Variants in RBM6 observed in about 807,000 individuals in gnomAD.
The protein encoded by RBM6 is RNA binding motif protein 6.
A neutral mutation model predicts 140.4 loss-of-function variants in RBM6; 23 were observed. The ratio of observed to expected loss-of-function variants is 0.16; its 90% CI spans 0.12 to 0.23. RBM6 has a LOEUF of 0.23. Ranked by LOEUF, RBM6 falls within the 10% of genes least tolerant of loss-of-function variation. The probability of loss-of-function intolerance (pLI) is 1.00; values close to 1 mark genes in which losing one functional copy is unlikely to be tolerated. For synonymous variants in RBM6, 439 were observed against 475.6 expected, an observed-to-expected ratio of 0.92 and a Z score of 1.00; for missense variants, 1,139 against 1,386.7, an observed-to-expected ratio of 0.82 and a Z score of 2.84.
chr3:49,967,712 G>T lies in RBM6; in HGVS notation c.287G>T (p.Arg96Met), dbSNP rs141234052. The T allele has an allele frequency of 8.1e-5, 130 of 1,614,018 alleles. 2 individuals are homozygous for T. The East Asian group carries it at 1.1e-3, about 14-fold the overall frequency. ...RGGEGPGHDF[R>M]GGDFSSSDFQ... ...GGGGAGGGACCTGGACATGATTTCA[G>T]GGGGGGAGATTTTTCGTCTTCTGAT... The change falls in exon 3 of 21, where the codon AGG (arginine) becomes ATG (methionine). Residue 96 changes from arginine to methionine, a missense_variant. Around this residue, in one of 9 missense-constraint regions of RBM6, gnomAD observed 566 missense variants for 612.7 expected, o/e 0.92. Coordinates refer to ENST00000266022, the MANE Select transcript of RBM6 (RefSeq NM_005777.3). The surrounding 1 kb of genome is among the most constrained non-coding windows in gnomAD (Gnocchi z 4.0).
chr3:50,039,706 A>G (rs1252400827), intron 6 of RBM6, among the ~76,000 whole-genome samples: 1 of 152,194 alleles, frequency 6.6e-6, no homozygotes, highest in African/African-American at 2.4e-5. Flanking sequence ...TCTGAGTGCT[A>G]ATAGTTGGAG....
intron 6 of RBM6, among the ~76,000 whole-genome samples, chr3:50,009,227 G>T (rs1387343637): frequency 1.3e-5 from 2 of 152,218 alleles, no homozygotes; most frequent in Admixed American, 1.3e-4. Flanking sequence ...GTCATGAAGT[G>T]TCTAAGGAAT....
intron 4 of RBM6, among the ~76,000 whole-genome samples, chr3:49,972,891 C>G (rs1175371082): frequency 6.7e-6 from 1 of 150,084 alleles, no homozygotes; most frequent in Non-Finnish European, 1.5e-5. Context: ...GAGTGTGTGG[C>G]GCGACCTTGG....
intron 6 of RBM6, among the ~76,000 whole-genome samples, chr3:50,024,116 C>A (rs2087665304): frequency 6.6e-6 from 1 of 152,244 alleles, no homozygotes; most frequent in African/African-American, 2.4e-5. Context: ...ACTTCTGTGA[C>A]ATTTTAAAAT....
chr3:50,009,093 T>C (rs1419144623), intron 6 of RBM6, among the ~76,000 whole-genome samples: 2 of 152,362 alleles, frequency 1.3e-5, no homozygotes, highest in Middle Eastern at 3.4e-3. Context: ...CAGAGTTGGC[T>C]GAAAGTGGCA....
At position 49,975,372 on chromosome 3, in the gene RBM6, A is replaced by C. The variant is rs140180444; in HGVS notation, c.1463A>C (p.Gln488Pro). The C allele has an allele frequency of 6.2e-7, 1 of 1,613,636 alleles. No individual in the cohort carries two copies. The highest frequency in any genetic ancestry group is 1.3e-5 in the African/African-American group (1 of 74,928). Residue 488 changes from glutamine to proline, a missense_variant, in exon 5 of 21, where the codon CAG becomes CCG. Gln to Pro is a moderately conservative substitution (Grantham distance 76). Transcript: ENST00000266022. ...TPDGMPVKNL[Q>P]LKEYNTGYDY... Reference sequence around the variant, plus strand: ...GATGGCATGCCTGTAAAGAACTTGCAGTTGAAGGAGTATAACACAGGTGAG... The same window carrying C: ...GATGGCATGCCTGTAAAGAACTTGCCGTTGAAGGAGTATAACACAGGTGAG...
chr3:49,974,972 C>A lies in RBM6; in HGVS notation c.1414-351C>A, dbSNP rs184104345. ...AAAGTGCTGGGATTACATGTGTGAG[C>A]CACCACGCCCGGTCTCTCCTGGCTA... On this transcript the variant is annotated intron_variant, in intron 4 of 20. Coordinates refer to ENST00000266022, the MANE Select transcript of RBM6 (RefSeq NM_005777.3). 2.4e-3 allele frequency among the ~76,000 whole-genome samples: 361 copies of A among 151,920 alleles called. 1 individual carries two copies. Among genetic ancestry groups the A allele is most frequent in the Admixed American group, 8.9e-3 (136 of 15,248 alleles).
At chr3:49,981,862 A>G (rs1206147974) in intron 5 of RBM6, among the ~76,000 whole-genome samples, 2 of 152,240 alleles carry the variant, frequency 1.3e-5, no homozygotes, top group Admixed American at 1.3e-4. Context: ...ACTACGTAGT[A>G]TATAAGCTTG....
Position 50,057,936 on chromosome 3 carries a change from A to C in RBM6, c.1902A>C (p.Pro634=), listed in dbSNP as rs148218317. The change falls in exon 9 of 21, where the codon CCA becomes CCC. Residue 634 remains proline (P), a synonymous_variant. Transcript: ENST00000266022. ...TGCCTCCTTCTCGAAGGGAAGGGCC[A>C]ACTTTCCGAAGAGACCGAGAGAGGG... ...RYLPPSRREG[P]TFRRDRERES... is the part of the protein sequence containing the mutation. 6.2e-7 allele frequency: 1 copy of C among 1,614,202 alleles called. No individual in the cohort carries two copies. Among genetic ancestry groups the C allele is most frequent in the East Asian group, 2.2e-5 (1 of 44,882 alleles).
chr3:49,978,253 A>G (rs1040535504), intron 5 of RBM6, among the ~76,000 whole-genome samples: 11 of 152,260 alleles, frequency 7.2e-5, no homozygotes, highest in African/African-American at 2.2e-4. Flanking sequence ...CTCCTGCCTC[A>G]TCCTCCCACA....
intron 5 of RBM6, among the ~76,000 whole-genome samples, chr3:49,987,875 G>T (rs956950993): frequency 1.3e-5 from 2 of 152,114 alleles, no homozygotes; most frequent in Non-Finnish European, 2.9e-5. Context: ...CTGACTTCAG[G>T]TGATCCACCC....
At chr3:49,958,208 G>A (rs1305771326) in intron 1 of RBM6, among the ~76,000 whole-genome samples, 1 of 152,076 alleles carries the variant, frequency 6.6e-6, no homozygotes, top group East Asian at 1.9e-4. Flanking sequence ...GGCGGATCAC[G>A]AGGTCAGGAG....
intron 19 of RBM6, among the ~76,000 whole-genome samples, chr3:50,073,632 A>C (rs1027247559): frequency 6.6e-6 from 1 of 152,180 alleles, no homozygotes; most frequent in Non-Finnish European, 1.5e-5. Flanking sequence ...TCCTACTCCC[A>C]GTCTTTGCTC....
chr3:50,008,632 C>T (rs1341199914), intron 6 of RBM6, among the ~76,000 whole-genome samples: 1 of 131,446 alleles, frequency 7.6e-6, no homozygotes, highest in African/African-American at 2.8e-5. Context: ...GGGCTCAATG[C>T]AACCTCCACC....
chr3:50,069,912 C>A (rs1269668727), intron 18 of RBM6, among the ~76,000 whole-genome samples: 1 of 152,122 alleles, frequency 6.6e-6, no homozygotes, highest in Non-Finnish European at 1.5e-5. Flanking sequence ...GTACTTTCCC[C>A]TGCTTCTCAG....
intron 5 of RBM6, among the ~76,000 whole-genome samples, chr3:49,994,872 T>G (rs2086010502): frequency 6.6e-6 from 1 of 152,186 alleles, no homozygotes; most frequent in South Asian, 2.1e-4. Context: ...TGATGGGAAA[T>G]TCAGCTGGAT....
chr3:50,068,779 C>T lies in RBM6; in HGVS notation c.3018+15C>T. The T allele has an allele frequency of 1.2e-6, 2 of 1,607,626 alleles. No individual in the cohort carries two copies. Among genetic ancestry groups the T allele is most frequent in the Non-Finnish European group, 1.7e-6 (2 of 1,174,132 alleles). ...GAGAACGAGAGGTAAACTTTGGTGA[C>T]CTATTACTCCCTTGACCTCAGCTCT... On this transcript the variant is annotated intron_variant, in intron 18 of 20. Transcript: ENST00000266022.
At chr3:49,994,290 T>C (rs1408763179) in intron 5 of RBM6, among the ~76,000 whole-genome samples, 1 of 152,130 alleles carries the variant, frequency 6.6e-6, no homozygotes. Context: ...CTGGGACTCC[T>C]GAGCTCAAGT....
chr3:50,018,583 T>TG, intron 6 of RBM6, among the ~76,000 whole-genome samples: 1 of 34,158 alleles, frequency 2.9e-5, no homozygotes, highest in Non-Finnish European at 5.3e-5. Flanking sequence ...AGGAGTGTGT[T>TG]TTTTTTTTTT....
Sources: gnomAD v4.1 joint callset for allele counts (sites outside exome capture counted in the v4.1 genomes callset) on GRCh38, gnomAD v4.1.1 for gene constraint, gnomAD v4.1.1 regional missense constraint, Gnocchi (gnomAD v3.1) non-coding constraint, MANE v1.5 for transcripts, NCBI Gene and HGNC (gene_info 2026-07-23, HGNC 2026-07-21) for gene names.